Variants in TTC34 observed in about 807,000 individuals in gnomAD.
The protein encoded by TTC34 is tetratricopeptide repeat domain 34.
A neutral mutation model predicts 40.7 loss-of-function variants in TTC34; 44 were observed. The ratio of observed to expected loss-of-function variants is 1.08; its 90% CI spans 0.85 to 1.39. The LOEUF (loss-of-function observed/expected upper bound fraction) is 1.39. Ranked by LOEUF, TTC34 falls within the 40% of genes most tolerant of loss-of-function variation. The pLI is 0.00. For missense variants in TTC34, 884 were observed against 838.0 expected (o/e 1.05, Z -0.68); for synonymous variants, 422 against 398.6 (o/e 1.06, Z -0.70).
chr1:2,752,810 T>TGCACCCCCAGGACA (rs1641368377), intron 6 of TTC34, among the ~76,000 whole-genome samples: 2 of 114,054 alleles, frequency 1.8e-5, no homozygotes, highest in Non-Finnish European at 1.8e-5. Context: ...AACAGCTCCC[T>TGCACCCCCAGGACA]GCATCCCCAG....
At chr1:2,684,860 C>A (rs1570808902) in intron 6 of TTC34, among the ~76,000 whole-genome samples, 2 of 118,534 alleles carry the variant, frequency 1.7e-5, no homozygotes, top group Non-Finnish European at 1.6e-5. Flanking sequence ...ATCTGACAGC[C>A]TGGAGCAGCA....
chr1:2,749,462 C>T (rs1427568891), intron 6 of TTC34, among the ~76,000 whole-genome samples: 31 of 102,220 alleles, frequency 3.0e-4, no homozygotes, highest in African/African-American at 5.2e-4. Flanking sequence ...GAGCATCTGA[C>T]GGCCTGGAAC....
At chr1:2,783,624 G>A (rs999130853) in exon 6 of TTC34, 3 of 1,444,330 alleles carry the variant, frequency 2.1e-6, no homozygotes, top group Non-Finnish European at 2.8e-6. Flanking sequence ...GCTGGTCTAG[G>A]GCCAGGTGCA....
chr1:2,783,614 G>T, exon 6 of TTC34: 1 of 1,421,530 alleles, frequency 7.0e-7, no homozygotes. Flanking sequence ...GGCACCTGCA[G>T]CTGGTCTAGG....
At chr1:2,688,330 C>G (rs1237955011) in intron 6 of TTC34, among the ~76,000 whole-genome samples, 2 of 150,452 alleles carry the variant, frequency 1.3e-5, no homozygotes, top group African/African-American at 2.5e-5. Flanking sequence ...AACCCCACAC[C>G]CCCAGGTGAG....
intron 6 of TTC34, among the ~76,000 whole-genome samples, chr1:2,687,216 C>A (rs1394967042): frequency 6.8e-6 from 1 of 146,116 alleles, no homozygotes; most frequent in South Asian, 2.1e-4. Context: ...TCCCGGCGAG[C>A]ATCCGACAGC....
At chr1:2,684,921 C>T (rs796935714) in intron 6 of TTC34, among the ~76,000 whole-genome samples, 4,017 of 76,410 alleles carry the variant, frequency 0.053, no homozygotes, top group Middle Eastern at 0.11. Flanking sequence ...CCTGCACACC[C>T]AGGTGAGCAT....
exon 3 of TTC34, chr1:2,789,674 T>A (rs993191159): frequency 6.1e-5 from 79 of 1,290,164 alleles, no homozygotes; most frequent in Non-Finnish European, 7.5e-5. Flanking sequence ...CAGCAGCGCC[T>A]CCTCGGGCCG....
At chr1:2,758,184 G>T (rs1253489216) in intron 6 of TTC34, among the ~76,000 whole-genome samples, 1 of 118,078 alleles carries the variant, frequency 8.5e-6, no homozygotes, top group Admixed American at 8.9e-5. Context: ...GCCTGGAACA[G>T]CACCCTGCAC....
chr1:2,750,531 G>A (rs1641281331), intron 6 of TTC34, among the ~76,000 whole-genome samples: 1 of 151,554 alleles, frequency 6.6e-6, no homozygotes, highest in Non-Finnish European at 1.5e-5. Flanking sequence ...ACATCCCCAA[G>A]CGAGCATCCG....
chr1:2,690,781 CA>C (rs1640582991), intron 6 of TTC34, among the ~76,000 whole-genome samples: 1 of 73,294 alleles, frequency 1.4e-5, no homozygotes, highest in South Asian at 4.3e-4. Flanking sequence ...GCAACCACAC[CA>C]CCATGCGAGC....
rs1197173110 is a variant in TTC34 at position 2,752,519 on chromosome 1, G to A, written c.2226+31090C>T. 2.3e-3 allele frequency among the ~76,000 whole-genome samples: 128 copies of A among 54,762 alleles called. 1 individual carries two copies. Among genetic ancestry groups the A allele is most frequent in the Middle Eastern group, 0.016 (1 of 64 alleles). The allele number at this position is 54,762 out of a possible 152,430, so 35.9% of individuals were successfully genotyped here. On this transcript the variant is annotated intron_variant, in intron 6 of 8. Coordinates refer to ENST00000401095, the Ensembl canonical transcript of TTC34. ...CCAGGTGAGCATCTGACAGCCTGGA[G>A]CAGCACCCACATCCCCAGGTGAGCA...
chr1:2,767,623 T>C (rs1352374671), intron 6 of TTC34, among the ~76,000 whole-genome samples: 6 of 63,480 alleles, frequency 9.5e-5, no homozygotes, highest in African/African-American at 2.8e-4. Flanking sequence ...AGCATCTGAC[T>C]GTATGGAATG....
intron 6 of TTC34, among the ~76,000 whole-genome samples, chr1:2,748,924 C>T (rs1641230380): frequency 8.9e-6 from 1 of 111,918 alleles, no homozygotes; most frequent in Non-Finnish European, 1.8e-5. Flanking sequence ...CCCACACCGC[C>T]AGGGGAGTAT....
At chr1:2,793,705 A>G (rs1366038747) in intron 2 of TTC34, among the ~76,000 whole-genome samples, 2 of 152,176 alleles carry the variant, frequency 1.3e-5, no homozygotes, top group African/African-American at 2.4e-5. Context: ...TAGATTTGCA[A>G]CACTCATCTG....
intron 6 of TTC34, among the ~76,000 whole-genome samples, chr1:2,750,243 C>A (rs1641270586): frequency 1.9e-4 from 28 of 144,064 alleles, no homozygotes; most frequent in East Asian, 6.5e-4. Flanking sequence ...AGCACCCACA[C>A]CCACAGGTGG....
intron 6 of TTC34, among the ~76,000 whole-genome samples, chr1:2,660,671 A>G (rs1435404768): frequency 2.4e-4 from 1 of 4,246 alleles, no homozygotes; most frequent in Non-Finnish European, 5.7e-4. Flanking sequence ...GTGCCCACAC[A>G]CCCAGGCGAG....
At chr1:2,792,005 G>GTTTTTTTTTTTT (rs1643668078) in intron 2 of TTC34, among the ~76,000 whole-genome samples, 1 of 29,888 alleles carries the variant, frequency 3.3e-5, no homozygotes, top group Admixed American at 3.3e-4. Flanking sequence ...CTTGCCATAT[G>GTTTTTTTTTTTT]CTTTTTTTTT....
At chr1:2,642,360 G>A (rs541721393) in intron 8 of TTC34, among the ~76,000 whole-genome samples, 1 of 152,108 alleles carries the variant, frequency 6.6e-6, no homozygotes, top group East Asian at 1.9e-4. Context: ...CCCTCTGAGG[G>A]GGCTGCTGCC....
Sources: gnomAD v4.1 joint callset for allele counts (sites outside exome capture counted in the v4.1 genomes callset) on GRCh38, gnomAD v4.1.1 for gene constraint, MANE v1.5 for transcripts, NCBI Gene and HGNC (gene_info 2026-07-23, HGNC 2026-07-21) for gene names.